The following PNPLA1 variants were observed in gnomAD, a reference collection of about 807,000 sequenced individuals.
The protein encoded by PNPLA1 is patatin like domain 1, omega-hydroxyceramide transacylase, also known as omega-hydroxyceramide transacylase.
PNPLA1 carries 36 observed loss-of-function variants against 51.7 expected under a neutral mutation model. The ratio of observed to expected loss-of-function variants is 0.70; its 90% CI spans 0.53 to 0.92. PNPLA1 has a LOEUF of 0.92. Among genes scored for constraint, PNPLA1 ranks in the 40% least tolerant of loss-of-function variants. PNPLA1 has a pLI of 0.00. For missense variants in PNPLA1, 658 were observed against 682.5 expected (o/e 0.96, Z 0.40); for synonymous variants, 293 against 280.1 (o/e 1.05, Z -0.46).
chr6:36,301,943 C>T lies in PNPLA1; in HGVS notation c.858C>T (p.Gly286=), dbSNP rs1281459931. The T allele has an allele frequency of 6.2e-7, 1 of 1,614,210 alleles. No individual in the cohort carries two copies. Among genetic ancestry groups the T allele is most frequent in the East Asian group, 2.2e-5 (1 of 44,880 alleles). The change falls in exon 6 of 9, where the codon GGC becomes GGT. Residue 286 remains glycine (G), a synonymous_variant. Coordinates refer to ENST00000636260, the MANE Select transcript of PNPLA1 (RefSeq NM_001374623.1). ...ACTGCCAGATAGAACTCGCCCTTGG[C>T]AATGAGTGCCCTGAACGCAGTCAAC... The part of the protein sequence containing the change: ...EVYCQIELAL[G]NECPERSQPS...
chr6:36,307,690 A>C lies in PNPLA1; in HGVS notation c.1573A>C (p.Lys525Gln). The change falls in exon 8 of 9, where the codon AAA (lysine) becomes CAA (glutamine). Residue 525 changes from lysine (K) to glutamine (Q), a missense_variant. By Grantham distance (53) the Lys-to-Gln change is moderately conservative. Transcript: ENST00000636260. ...AGGCTTCCCAAGACATTCGGGATCC[A>C]AAAAACCAAGCAGCAAAGTGCAGTG... Reference protein sequence around the residue: ...RKGFPRHSGSKKPSSKVQSAP... With the variant: ...RKGFPRHSGSQKPSSKVQSAP... The C allele has an allele frequency of 6.2e-7, 1 of 1,612,214 alleles. No individual in the cohort carries two copies. Among genetic ancestry groups the C allele is most frequent in the Non-Finnish European group, 8.5e-7 (1 of 1,178,650 alleles).
At chr6:36,255,307 C>G (rs75343303) in intron 1 of PNPLA1, among the ~76,000 whole-genome samples, 6 of 152,102 alleles carry the variant, frequency 3.9e-5, no homozygotes. Flanking sequence ...GAGTTCGAGA[C>G]CAGCCTGACC....
At chr6:36,283,025 T>C (rs1471810980) in intron 1 of PNPLA1, among the ~76,000 whole-genome samples, 2 of 152,156 alleles carry the variant, frequency 1.3e-5, no homozygotes, top group African/African-American at 2.4e-5. Flanking sequence ...ACTTTTTATT[T>C]TGGAATAATG....
intron 8 of PNPLA1, among the ~76,000 whole-genome samples, chr6:36,309,250 G>A (rs1326634039): frequency 6.6e-6 from 1 of 152,206 alleles, no homozygotes; most frequent in Non-Finnish European, 1.5e-5. Context: ...CTGGATGACA[G>A]GTAGGTAAGG....
Position 36,306,376 on chromosome 6 carries a change from C to A in PNPLA1, c.1469C>A (p.Thr490Lys). The A allele has an allele frequency of 1.9e-6, 3 of 1,606,772 alleles. No homozygotes were observed. The highest frequency in any genetic ancestry group is 1.1e-5 in the South Asian group (1 of 89,708). The change falls in exon 7 of 9, where the codon ACG (threonine) becomes AAG (lysine). Residue 490 changes from threonine to lysine, a missense_variant and splice_region_variant. Thr to Lys is a moderately conservative substitution (Grantham distance 78, BLOSUM62 -1). Coordinates refer to ENST00000636260, the MANE Select transcript of PNPLA1 (RefSeq NM_001374623.1). ...GAAACCGTCAGCAAGCCTTATGTAA[C>A]GTAAGTTTCCCCTTCGTGGAGCACG... ...VKETVSKPYV[T>K]ESPAEDSNWV...
chr6:36,293,016 C>T (rs375128673), intron 2 of PNPLA1, 45 bp from the exon 3 acceptor site: 97 of 1,547,094 alleles, frequency 6.3e-5, no homozygotes, highest in Non-Finnish European at 5.8e-5. Flanking sequence ...TGTCCCCACC[C>T]CACCCCCGGG....
chr6:36,299,335 GTT>G (rs767505825), intron 5 of PNPLA1, among the ~76,000 whole-genome samples: 1 of 58,766 alleles, frequency 1.7e-5, no homozygotes, highest in African/African-American at 4.4e-5. Flanking sequence ...TTTTTTGTCT[GTT>G]TTTTTTTTTT....
At chr6:36,291,058 T>C (rs1770660405) in intron 1 of PNPLA1, among the ~76,000 whole-genome samples, 1 of 152,238 alleles carries the variant, frequency 6.6e-6, no homozygotes, top group African/African-American at 2.4e-5. Context: ...TAATGACTCC[T>C]GGACAAAGGT....
intron 8 of PNPLA1, among the ~76,000 whole-genome samples, chr6:36,309,516 G>A (rs1359068677): frequency 1.3e-5 from 2 of 152,158 alleles, no homozygotes; most frequent in African/African-American, 4.8e-5. Context: ...TGATTCCAGG[G>A]CCAGCTCTCT....
chr6:36,293,158 G>A (rs759060588), intron 3 of PNPLA1, 32 bp downstream of exon 3: 2 of 1,601,892 alleles, frequency 1.2e-6, no homozygotes, highest in Admixed American at 1.7e-5. Flanking sequence ...GGGGTGAGAT[G>A]GGATCCAAGG....
At chr6:36,306,114 G>C (rs1042018175) in intron 6 of PNPLA1, among the ~76,000 whole-genome samples, 178 bp from the exon 7 acceptor site, 1 of 152,132 alleles carries the variant, frequency 6.6e-6, no homozygotes, top group East Asian at 1.9e-4. Context: ...CAGATGCCGC[G>C]GGCCTGCGTC....
At chr6:36,276,221 A>T (rs1770092927) in intron 1 of PNPLA1, among the ~76,000 whole-genome samples, 1 of 152,114 alleles carries the variant, frequency 6.6e-6, no homozygotes, top group South Asian at 2.1e-4. Context: ...GGCCTCCCAA[A>T]GTGCTGGGAT....
chr6:36,253,914 C>T (rs1394978715), intron 1 of PNPLA1, among the ~76,000 whole-genome samples: 1 of 152,202 alleles, frequency 6.6e-6, no homozygotes, highest in Non-Finnish European at 1.5e-5. Flanking sequence ...GCTGTATTCT[C>T]CCCGTGTGAG....
intron 1 of PNPLA1, among the ~76,000 whole-genome samples, chr6:36,285,003 C>G (rs951555353): frequency 6.6e-6 from 1 of 152,176 alleles, no homozygotes; most frequent in Non-Finnish European, 1.5e-5. Context: ...AGGGTCACTG[C>G]TCCTCGGAGG....
Position 36,302,375 on chromosome 6 carries a change from A to T in PNPLA1, c.1290A>T (p.Ser430=). ...PTSPRPSLGP[S]TVGAPQTLPR... ...CACCCAGGCCATCCCTGGGGCCTTC[A>T]ACTGTGGGGGCACCTCAAACACTGC... The change falls in exon 6 of 9, where the codon TCA becomes TCT. Residue 430 remains serine (S), a synonymous_variant. Transcript: ENST00000636260. The T allele has an allele frequency of 6.2e-7, 1 of 1,604,350 alleles. No homozygotes were observed. The highest frequency in any genetic ancestry group is 8.5e-7 in the Non-Finnish European group (1 of 1,173,868).
At chr6:36,282,092 G>GAAAGAAAGAAA (rs59914317) in intron 1 of PNPLA1, among the ~76,000 whole-genome samples, 3,265 of 39,634 alleles carry the variant, frequency 0.082, 141 homozygotes, top group Non-Finnish European at 0.091. Context: ...AAAGAAAGAA[G>GAAAGAAAGAAA]GAAGGAAGGA....
intron 6 of PNPLA1, among the ~76,000 whole-genome samples, 162 bp downstream of exon 6, chr6:36,302,631 G>A (rs936411025): frequency 6.6e-6 from 1 of 152,172 alleles, no homozygotes; most frequent in African/African-American, 2.4e-5. Flanking sequence ...CGCCACAAGG[G>A]GGCAGTGTAA....
chr6:36,274,284 T>C (rs758092901), intron 1 of PNPLA1, among the ~76,000 whole-genome samples: 5 of 152,186 alleles, frequency 3.3e-5, no homozygotes, highest in Admixed American at 6.5e-5. Flanking sequence ...GGCCAAAGTC[T>C]ACATTCTTAT....
intron 1 of PNPLA1, among the ~76,000 whole-genome samples, chr6:36,248,485 T>C (rs1184358026): frequency 6.6e-6 from 1 of 152,090 alleles, no homozygotes; most frequent in Non-Finnish European, 1.5e-5. Flanking sequence ...CTTATAACCT[T>C]ACCTAGGTGT....
Sources: gnomAD v4.1 joint callset for allele counts (sites outside exome capture counted in the v4.1 genomes callset) on GRCh38, gnomAD v4.1.1 for gene constraint, MANE v1.5 for transcripts, NCBI Gene and HGNC (gene_info 2026-07-23, HGNC 2026-07-21) for gene names.